ARHGAP32: variants seen among roughly 807,000 people sequenced by gnomAD.
ARHGAP32 encodes rho GTPase-activating protein 32.
A neutral mutation model predicts 186.5 loss-of-function variants in ARHGAP32; 51 were observed. That is an observed-to-expected ratio of 0.27 (90% CI 0.22 to 0.35). The LOEUF (loss-of-function observed/expected upper bound fraction) is 0.35, where lower values mean the gene tolerates loss of function less well. Among genes scored for constraint, ARHGAP32 ranks in the 10% least tolerant of loss-of-function variants. The probability of loss-of-function intolerance (pLI) is 1.00; values close to 1 mark genes in which losing one functional copy is unlikely to be tolerated. For synonymous variants in ARHGAP32, 950 were observed against 964.3 expected, an observed-to-expected ratio of 0.99 and a Z score of 0.27; for missense variants, 2,186 against 2,623.5, an observed-to-expected ratio of 0.83 and a Z score of 3.64.
At position 128,970,526 on chromosome 11, in the gene ARHGAP32, A is replaced by G; in HGVS notation, c.4687T>C (p.Ser1563Pro). The G allele has an allele frequency of 6.2e-7, 1 of 1,614,132 alleles. No homozygotes were observed. Among genetic ancestry groups the G allele is most frequent in the Admixed American group, 1.7e-5 (1 of 60,022 alleles). Residue 1563 changes from serine to proline, a missense_variant, in exon 23 of 23, where the codon TCC (serine) becomes CCC (proline). Coordinates refer to ENST00000682385, the MANE Select transcript of ARHGAP32 (RefSeq NM_001378024.1). This position sits in a 1 kb window ranked among gnomAD's most constrained non-coding sequence, Gnocchi z 5.8. ...TACTCGACCCGGCTGCATGGCTTGG[A>G]GTGGTGTCCAGATGCGTTTCTTCCT... is the stretch of plus-strand genomic sequence containing the variant. ...APGRNASGHH[S>P]KPCSRVEYVS... is the part of the protein sequence containing the mutation.
rs754284804 is a variant in ARHGAP32 at position 129,124,875 on chromosome 11, G to A, written c.245C>T (p.Pro82Leu). ...LSAMARGADV[P>L]EIPGDLTLKT... Reference sequence around the variant, plus strand: ...AAGAGTAAGATCTCCAGGAATCTCTGGAACATCTGCGCCTCTTGCCTTAAA... The same window carrying A: ...AAGAGTAAGATCTCCAGGAATCTCTAGAACATCTGCGCCTCTTGCCTTAAA... The change falls in exon 3 of 23, where the codon CCA becomes CTA. Residue 82 changes from proline (P) to leucine (L), a missense_variant. Around this residue, in one of 5 missense-constraint regions of ARHGAP32, gnomAD observed 108 missense variants for 116.8 expected, o/e 0.92. Transcript: ENST00000682385. The A allele has an allele frequency of 6.2e-7, 1 of 1,610,322 alleles. No homozygotes were observed. Among genetic ancestry groups the A allele is most frequent in the Admixed American group, 1.7e-5 (1 of 59,524 alleles).
At chr11:129,026,224 G>A (rs190558469) in intron 11 of ARHGAP32, among the ~76,000 whole-genome samples, 26 of 152,208 alleles carry the variant, frequency 1.7e-4, no homozygotes, top group Admixed American at 2.6e-4. Flanking sequence ...GAGAAATTGA[G>A]TGATGAATCC....
intron 13 of ARHGAP32, among the ~76,000 whole-genome samples, chr11:128,987,371 C>T (rs796860726): frequency 5.3e-5 from 8 of 152,126 alleles, no homozygotes; most frequent in African/African-American, 1.4e-4. Flanking sequence ...GTCTTTAGTA[C>T]AAGGACTAAT....
At chr11:129,207,157 A>G (rs1565468673) in intron 1 of ARHGAP32, among the ~76,000 whole-genome samples, 1 of 152,092 alleles carries the variant, frequency 6.6e-6, no homozygotes, top group Non-Finnish European at 1.5e-5. Context: ...TCTATCATTG[A>G]TGGGCATTTG....
intron 1 of ARHGAP32, among the ~76,000 whole-genome samples, chr11:129,243,445 AAAG>A (rs1945047339): frequency 6.6e-6 from 1 of 152,232 alleles, no homozygotes; most frequent in Admixed American, 6.5e-5. Context: ...AAAACATGGC[AAAG>A]AACAGGTAAG....
intron 1 of ARHGAP32, among the ~76,000 whole-genome samples, chr11:129,271,787 G>A (rs538468709): frequency 6.6e-6 from 1 of 152,196 alleles, no homozygotes; most frequent in East Asian, 1.9e-4. Context: ...ACTGTGAAAT[G>A]CTGGTGAGAG....
chr11:128,980,246 C>T (rs568907189), intron 18 of ARHGAP32, among the ~76,000 whole-genome samples: 1 of 152,336 alleles, frequency 6.6e-6, no homozygotes, highest in South Asian at 2.1e-4. Context: ...ACTTTATAAA[C>T]AACATAGTTC....
intron 2 of ARHGAP32, among the ~76,000 whole-genome samples, chr11:129,143,089 A>ATATATATATATATATAT (rs66832335): frequency 3.0e-4 from 43 of 145,588 alleles, no homozygotes; most frequent in South Asian, 8.8e-4. Flanking sequence ...ATATATATAT[A>ATATATATATATATATAT]ATCAACTGAA....
Position 128,974,713 on chromosome 11 carries a change from A to G in ARHGAP32, c.2484T>C (p.Ser828=). ...PPKAESECLE[S]GASFLDSPGY... Reference sequence around the variant, plus strand: ...CTGGTGAATCTAAAAAGGAAGCACCACTCTCCAGACATTCTGATTCGGCCT... The same window carrying G: ...CTGGTGAATCTAAAAAGGAAGCACCGCTCTCCAGACATTCTGATTCGGCCT... The change falls in exon 21 of 23, where the codon AGT becomes AGC. Residue 828 remains serine (S), a synonymous_variant. Coordinates refer to ENST00000682385, the MANE Select transcript of ARHGAP32 (RefSeq NM_001378024.1). The G allele has an allele frequency of 6.2e-7, 1 of 1,613,952 alleles. No homozygotes were observed. Among genetic ancestry groups the G allele is most frequent in the East Asian group, 2.2e-5 (1 of 44,870 alleles).
At chr11:129,153,961 T>A in intron 2 of ARHGAP32, among the ~76,000 whole-genome samples, 1 of 150,872 alleles carries the variant, frequency 6.6e-6, no homozygotes, top group Non-Finnish European at 1.5e-5. Context: ...ACAGAATGGG[T>A]GAAAATATTC....
chr11:129,193,577 TA>T (rs1565464579), upstream of ARHGAP32, among the ~76,000 whole-genome samples: 5 of 49,636 alleles, frequency 1.0e-4, no homozygotes, highest in African/African-American at 4.2e-4. Context: ...ATAATATATA[TA>T]TATTATATAA....
In ARHGAP32 at chr11:128,989,173, A is replaced by AT. The variant is rs576193219; in HGVS notation, c.1196-1049dup. ...CTTTTCCTTGGTTTTCCTGACTTTTATTGTCCTTCATGCAATCCATCTTTA... is the reference window on the plus strand; with the variant it reads ...CTTTTCCTTGGTTTTCCTGACTTTTATTTGTCCTTCATGCAATCCATCTTTA... On this transcript the variant is annotated intron_variant, in intron 12 of 22. Coordinates refer to ENST00000682385, the MANE Select transcript of ARHGAP32 (RefSeq NM_001378024.1). 1.1e-3 allele frequency among the ~76,000 whole-genome samples: 167 copies of AT among 152,154 alleles called. 1 individual carries two copies. The highest frequency in any genetic ancestry group is 3.9e-3 in the African/African-American group (163 of 41,536).
At chr11:129,030,338 A>G (rs750129296) in intron 11 of ARHGAP32, 9 of 152,256 alleles carry the variant, frequency 5.9e-5, no homozygotes, top group Non-Finnish European at 1.2e-4. Flanking sequence ...ACAATCCAGG[A>G]GCAAGCAAGT....
rs1945486957 is a variant in ARHGAP32, at chr11:128,974,483, A to T, written c.2714T>A (p.Phe905Tyr). 2 of 1,614,174 alleles carry T rather than the reference A, an allele frequency of 1.2e-6. No homozygotes were observed. Among genetic ancestry groups the T allele is most frequent in the African/African-American group, 2.7e-5 (2 of 75,034 alleles). Residue 905 changes from phenylalanine to tyrosine, a missense_variant, in exon 21 of 23, where the codon TTC becomes TAC. Physicochemically the swap from Phe to Tyr is conservative, Grantham distance 22 (BLOSUM62 3). This residue lies in a region of ARHGAP32 where 1,502 missense variants were observed against 1,570.0 expected (regional missense o/e 0.96). Coordinates refer to ENST00000682385, the MANE Select transcript of ARHGAP32 (RefSeq NM_001378024.1). ...TAATTTCCGTCCTATCTTCGGAGAG[A>T]AAGCATAGACGACCTTTTCAGTAAA... ...SSFTEKVVYAFSPKIGRKLSK... is the reference protein window; with the variant it reads ...SSFTEKVVYAYSPKIGRKLSK...
In ARHGAP32 at chr11:129,123,403, T is replaced by C. The variant is rs1468603401; in HGVS notation, c.444+43A>G. ...ATAAGCATCTAGATATAAAGGTAAA[T>C]GTGTAAATCTTAATTCAAGATGTAA... On this transcript the variant is annotated intron_variant, in intron 5 of 22. Coordinates refer to ENST00000682385, the MANE Select transcript of ARHGAP32 (RefSeq NM_001378024.1). This position sits in a 1 kb window ranked among gnomAD's most constrained non-coding sequence, Gnocchi z 4.6. The C allele has an allele frequency of 7.4e-6, 11 of 1,495,690 alleles. No individual in the cohort carries two copies. The East Asian group carries it at 2.3e-4, about 31-fold the overall frequency. 92.7% of individuals were successfully genotyped at this position (1,495,690 alleles called of 1,614,324 possible).
chr11:128,973,938 C>A, intron 21 of ARHGAP32, 186 bp downstream of exon 21: 2 of 637,594 alleles, frequency 3.1e-6, no homozygotes, highest in Non-Finnish European at 5.3e-6. Context: ...GACCATTGGC[C>A]CTTTTGGGGA....
chr11:129,041,064 G>A, intron 10 of ARHGAP32, 55 bp from the exon 11 acceptor site: 1 of 1,182,040 alleles, frequency 8.5e-7, no homozygotes, highest in Admixed American at 2.0e-5. Flanking sequence ...CCAATTATGT[G>A]AACACTGCCA....
In ARHGAP32 at chr11:129,271,997, G is replaced by A. The variant is rs529100369; in HGVS notation, c.-5+7149C>T. On this transcript the variant is annotated intron_variant, in intron 1 of 6. Transcript: ENST00000525234. Reference sequence around the variant, plus strand: ...AAATGGTAAAGACTTGGGGGAGAGAGAGGAAGAAGTCACTGGCAGGAAGAG... The same window carrying A: ...AAATGGTAAAGACTTGGGGGAGAGAAAGGAAGAAGTCACTGGCAGGAAGAG... 1.8e-4 allele frequency among the ~76,000 whole-genome samples: 27 copies of A among 152,352 alleles called. No homozygotes were observed. In the East Asian group the frequency reaches 5.0e-3, roughly 28 times the overall value.
intron 1 of ARHGAP32, among the ~76,000 whole-genome samples, chr11:129,272,282 G>A (rs746422275): frequency 5.9e-5 from 9 of 152,130 alleles, no homozygotes; most frequent in Non-Finnish European, 1.0e-4. Flanking sequence ...ACAAGGCTAG[G>A]AGGCAGTTCT....
Sources: allele counts gnomAD v4.1 joint callset (sites outside exome capture counted in the v4.1 genomes callset), GRCh38; gene constraint gnomAD v4.1.1; regional missense constraint gnomAD v4.1.1; non-coding constraint Gnocchi (gnomAD v3.1); transcripts MANE v1.5; gene names NCBI Gene and HGNC (gene_info 2026-07-23, HGNC 2026-07-21).